TTN: variants seen among roughly 807,000 people sequenced by gnomAD.
The protein encoded by TTN is titin.
A neutral mutation model predicts 3,223.0 loss-of-function variants in TTN; 1,525 were observed. The observed-to-expected ratio is 0.47, with a 90% confidence interval of 0.45 to 0.49. TTN has a LOEUF of 0.49. Among genes scored for constraint, TTN ranks in the 20% least tolerant of loss-of-function variants. The pLI, the probability that TTN is intolerant of heterozygous loss-of-function variation, is 0.00. For synonymous variants in TTN, 14,094 were observed against 15,161.0 expected (o/e 0.93, Z 5.17); for missense variants, 40,786 against 43,424.0 (o/e 0.94, Z 5.40).
chr2:178,575,028 C>T lies in TTN; in HGVS notation c.71104G>A (p.Gly23702Arg). Reference protein sequence around the residue: ...NINECVRSDSGPYPLTARNIV... With the variant: ...NINECVRSDSRPYPLTARNIV... Reference sequence around the variant, plus strand: ...TTCCTTGCTGTTAATGGATAGGGCCCACTATCACTTCTGACACACTCATTG... The same window carrying T: ...TTCCTTGCTGTTAATGGATAGGGCCTACTATCACTTCTGACACACTCATTG... Residue 23702 changes from glycine (G) to arginine (R), a missense_variant, in exon 326 of 363, where the codon GGG (glycine) becomes AGG (arginine). Gly to Arg is a moderately radical substitution (Grantham distance 125, BLOSUM62 -2). Transcript: ENST00000589042. The surrounding 1 kb of genome is among the most constrained non-coding windows in gnomAD (Gnocchi z 4.0). 6.2e-7 allele frequency: 1 copy of T among 1,613,346 alleles called. No individual in the cohort carries two copies. Among genetic ancestry groups the T allele is most frequent in the Non-Finnish European group, 8.5e-7 (1 of 1,179,612 alleles).
At position 178,768,887 on chromosome 2, in the gene TTN, T is replaced by C; in HGVS notation, c.8949A>G (p.Lys2983=). ...SMLKDINAEE[K]DTITFEVTVN... Reference sequence around the variant, plus strand: ...CTGTCACCTCAAAAGTAATAGTGTCTTTTTCTTCAGCGTTGATGTCTTTCA... The same window carrying C: ...CTGTCACCTCAAAAGTAATAGTGTCCTTTTCTTCAGCGTTGATGTCTTTCA... Residue 2983 remains lysine, a synonymous_variant, in exon 38 of 363, where the codon AAA becomes AAG. Coordinates refer to ENST00000589042, the MANE Select transcript of TTN (RefSeq NM_001267550.2). The C allele has an allele frequency of 6.2e-7, 1 of 1,614,056 alleles. No homozygotes were observed. The highest frequency in any genetic ancestry group is 8.5e-7 in the Non-Finnish European group (1 of 1,180,002).
chr2:178,744,666 G>A (rs2083130636), intron 47 of TTN: 6 of 960,324 alleles, frequency 6.2e-6, no homozygotes, highest in Non-Finnish European at 7.4e-6. Flanking sequence ...TTACCATATT[G>A]TCTCAATTCT....
In TTN at chr2:178,586,719, T is replaced by C; in HGVS notation, c.64182A>G (p.Gly21394=). 1 of 1,613,150 alleles carries C rather than the reference T, an allele frequency of 6.2e-7. No homozygotes were observed. Among genetic ancestry groups the C allele is most frequent in the Non-Finnish European group, 8.5e-7 (1 of 1,179,356 alleles). Residue 21394 remains glycine, a synonymous_variant, in exon 308 of 363, where the codon GGA becomes GGG. Transcript: ENST00000589042. The part of the protein sequence containing the change: ...TLAWLPPLRD[G]GAKIDGYITS... ...TGATGTAGCCATCGATTTTAGCACCTCCATCACGTAGGGGAGGTAACCAGG... is the reference window on the plus strand; with the variant it reads ...TGATGTAGCCATCGATTTTAGCACCCCCATCACGTAGGGGAGGTAACCAGG...
rs1420254172 is a variant in TTN, at chr2:178,776,170, G to A, written c.5694C>T (p.Asp1898=). 6.2e-7 allele frequency: 1 copy of A among 1,614,126 alleles called. No homozygotes were observed. The highest frequency in any genetic ancestry group is 1.7e-5 in the Admixed American group (1 of 60,014). Residue 1898 remains aspartate (D), a synonymous_variant, in exon 28 of 363, where the codon GAC becomes GAT. Coordinates refer to ENST00000589042, the MANE Select transcript of TTN (RefSeq NM_001267550.2). Reference sequence around the variant, plus strand: ...TGTCATATGATTTGCAGTCCACGATGTCCAGGTAATGGATACCATCATAGC... The same window carrying A: ...TGTCATATGATTTGCAGTCCACGATATCCAGGTAATGGATACCATCATAGC... ...RVRYDGIHYL[D]IVDCKSYDTG...
rs776251068 is a variant in TTN, at chr2:178,729,319, G to C, written c.18837C>G (p.Ser6279Arg). 1.9e-6 allele frequency: 3 copies of C among 1,611,806 alleles called. No homozygotes were observed. The highest frequency in any genetic ancestry group is 1.1e-5 in the South Asian group (1 of 90,932). Residue 6279 changes from serine to arginine, a missense_variant, in exon 64 of 363, where the codon AGC (serine) becomes AGG (arginine). Physicochemically the swap from Ser to Arg is moderately radical, Grantham distance 110. Coordinates refer to ENST00000589042, the MANE Select transcript of TTN (RefSeq NM_001267550.2). ...GGGCAACTCTAGTACTGCATGAGCA[G>C]CTGCCGCCTTCATTGGATACAATGC... ...YQCIVSNEGG[S>R]CSCSTRVALK...
At chr2:178,800,762 A>T (rs570883878) in intron 3 of TTN, 80 bp from the exon 4 acceptor site, 46 of 1,471,694 alleles carry the variant, frequency 3.1e-5, no homozygotes, top group Non-Finnish European at 4.2e-5. Context: ...CACAGCTCCA[A>T]TTCCAAAACC....
At chr2:178,753,293 A>C (rs2086079138) in intron 46 of TTN, 113 bp from the exon 47 acceptor site, 1 of 761,000 alleles carries the variant, frequency 1.3e-6, no homozygotes, top group Non-Finnish European at 2.1e-6. Context: ...ACAGAAAACT[A>C]CATTCCCCAA....
Position 178,721,895 on chromosome 2 carries a change from T to C in TTN, c.22768A>G (p.Thr7590Ala). The C allele has an allele frequency of 6.2e-7, 1 of 1,613,220 alleles. No individual in the cohort carries two copies. The highest frequency in any genetic ancestry group is 8.5e-7 in the Non-Finnish European group (1 of 1,179,436). ...CACATGTCTTTGCCAACATCATTGG[T>C]TGCTTGGCAAGTATATTGACCAGAG... ...GDSGQYTCQA[T>A]NDVGKDMCSA... Residue 7590 changes from threonine to alanine, a missense_variant, in exon 78 of 363, where the codon ACC (threonine) becomes GCC (alanine). Thr to Ala is a moderately conservative substitution (Grantham distance 58). Transcript: ENST00000589042.
intron 45 of TTN, 65 bp from the exon 46 acceptor site, chr2:178,756,862 G>T: frequency 7.0e-7 from 1 of 1,429,318 alleles, no homozygotes; most frequent in Non-Finnish European, 9.6e-7. Context: ...ACTTGCCCAT[G>T]TTAGTAACAC....
Position 178,595,609 on chromosome 2 carries a change from T to C in TTN, c.57745A>G (p.Ile19249Val). 2 of 1,596,014 alleles carry C rather than the reference T, an allele frequency of 1.3e-6. No individual in the cohort carries two copies. The highest frequency in any genetic ancestry group is 1.1e-5 in the South Asian group (1 of 88,040). ...TRQNATVQGL[I>V]QGKAYFFRIA... ...CGGAAAAAGTAGGCTTTTCCTTGAA[T>C]GAGACCCTGGACAGTAGCATTTTGT... Residue 19249 changes from isoleucine to valine, a missense_variant, in exon 295 of 363, where the codon ATT (isoleucine) becomes GTT (valine). By Grantham distance (29) the Ile-to-Val change is conservative. Transcript: ENST00000589042.
At chr2:178,645,641 C>A in intron 217 of TTN, 1 of 234,024 alleles carries the variant, frequency 4.3e-6, no homozygotes. Context: ...CTCTTTCTCC[C>A]CACTCCACAA....
intron 238 of TTN, 148 bp from the exon 239 acceptor site, chr2:178,630,515 G>T: frequency 8.8e-7 from 1 of 1,133,972 alleles, no homozygotes; most frequent in Non-Finnish European, 1.2e-6. Context: ...AGGAAGTAAA[G>T]CTTACAAGTA....
chr2:178,701,346 T>C, intron 110 of TTN, 143 bp from the exon 111 acceptor site: 1 of 1,010,358 alleles, frequency 9.9e-7, no homozygotes, highest in Non-Finnish European at 1.4e-6. Flanking sequence ...AAGTAGCATT[T>C]ATTTATAACT....
intron 292 of TTN, 91 bp from the exon 293 acceptor site, chr2:178,598,149 T>G (rs1180609739): frequency 7.1e-6 from 10 of 1,411,060 alleles, no homozygotes; most frequent in East Asian, 6.9e-5. Context: ...AGCAGCCTAT[T>G]TAACTGTTTA....
At position 178,617,871 on chromosome 2, in the gene TTN, T is replaced by C. The variant is rs1487021988; in HGVS notation, c.47480A>G (p.Gln15827Arg). 4 of 1,612,616 alleles carry C rather than the reference T, an allele frequency of 2.5e-6. No individual in the cohort carries two copies. In the African/African-American group the frequency reaches 5.3e-5, roughly 22 times the overall value. Reference protein sequence around the residue: ...SATVTDVVEGQEYSFRVRAQN... With the variant: ...SATVTDVVEGREYSFRVRAQN... The stretch of plus-strand genomic sequence containing the variant: ...GGCTCTCACTCGGAAACTGTACTCC[T>C]GTCCTTCTACCACATCAGTAACAGT... The change falls in exon 253 of 363, where the codon CAG (glutamine) becomes CGG (arginine). Residue 15827 changes from glutamine to arginine, a missense_variant. Transcript: ENST00000589042.
At chr2:178,784,492 A>G (rs2093027485) in intron 15 of TTN, 141 bp from the exon 16 acceptor site, 1 of 1,043,826 alleles carries the variant, frequency 9.6e-7, no homozygotes, top group Non-Finnish European at 1.4e-6. Flanking sequence ...CAGTTAATGA[A>G]AAGTCATTTA....
intron 292 of TTN, among the ~76,000 whole-genome samples, 186 bp downstream of exon 292, chr2:178,598,319 TA>T (rs1160158304): frequency 6.6e-6 from 1 of 152,124 alleles, no homozygotes; most frequent in Non-Finnish European, 1.5e-5. Context: ...AAAAGATTAG[TA>T]ATAACATGAC....
chr2:178,733,586 T>C, intron 53 of TTN, 28 bp downstream of exon 53: 2 of 1,597,418 alleles, frequency 1.3e-6, no homozygotes, highest in Non-Finnish European at 1.7e-6. Flanking sequence ...TAAATAGCAA[T>C]TTGAGGTTTA....
At chr2:178,752,180 T>C (rs1263830270) in intron 47 of TTN, 13 of 769,248 alleles carry the variant, frequency 1.7e-5, no homozygotes, top group Admixed American at 5.9e-5. Flanking sequence ...TCACCATATT[T>C]GTTCGAATAA....
Sources: gnomAD v4.1 joint callset for allele counts (sites outside exome capture counted in the v4.1 genomes callset) on GRCh38, gnomAD v4.1.1 for gene constraint, Gnocchi (gnomAD v3.1) non-coding constraint, MANE v1.5 for transcripts, NCBI Gene and HGNC (gene_info 2026-07-23, HGNC 2026-07-21) for gene names.